The following GBE1 variants were observed in gnomAD, a reference collection of about 807,000 sequenced individuals.
GBE1 encodes the protein 1,4-alpha-glucan branching enzyme 1, also known as 1,4-alpha-glucan-branching enzyme.
Under a neutral mutation model 88.8 loss-of-function variants are expected in GBE1, and 70 were observed. The ratio of observed to expected loss-of-function variants is 0.79; its 90% CI spans 0.65 to 0.96. The LOEUF (loss-of-function observed/expected upper bound fraction) is 0.96, where lower values mean the gene tolerates loss of function less well. GBE1 is among the 40% of genes least tolerant of loss of function. GBE1 has a pLI of 0.00. For synonymous variants in GBE1, 284 were observed against 300.1 expected, an observed-to-expected ratio of 0.95 and a Z score of 0.56; for missense variants, 872 against 871.0, an observed-to-expected ratio of 1.00 and a Z score of -0.01.
chr3:81,549,695 C>A (rs1222678581), intron 12 of GBE1, among the ~76,000 whole-genome samples: 1 of 151,510 alleles, frequency 6.6e-6, no homozygotes, highest in Non-Finnish European at 1.5e-5. Flanking sequence ...AAATAAAAGT[C>A]TTATCTGAGA....
intron 3 of GBE1, among the ~76,000 whole-genome samples, chr3:81,657,530 C>T (rs1263996555): frequency 6.6e-6 from 1 of 152,014 alleles, no homozygotes; most frequent in East Asian, 1.9e-4. Context: ...AAAGAGATCA[C>T]TAAAATTAAA....
intron 2 of GBE1, among the ~76,000 whole-genome samples, chr3:81,693,812 A>G (rs1186913196): frequency 6.6e-6 from 1 of 152,160 alleles, no homozygotes; most frequent in African/African-American, 2.4e-5. Flanking sequence ...TTACATGTGA[A>G]TATCAACACT....
At chr3:81,625,763 G>T (rs572789258) in intron 7 of GBE1, among the ~76,000 whole-genome samples, 1 of 152,132 alleles carries the variant, frequency 6.6e-6, no homozygotes, top group East Asian at 1.9e-4. Flanking sequence ...TCTGGTTTTT[G>T]GCTATCTTCT....
rs1194774311 is a variant in GBE1, at chr3:81,710,489, CTGA to C, written c.144-4879_144-4877del. Among the ~76,000 whole-genome samples, 18 of 151,866 alleles carry C rather than the reference CTGA, an allele frequency of 1.2e-4. No homozygotes were observed. In the East Asian group the frequency reaches 2.5e-3, roughly 21 times the overall value. ...TTATATTTAAGAGAATCAGGGGTAG[CTGA>C]TATTAGCTTTATTTCTAGAAATAGT... On this transcript the variant is annotated intron_variant, in intron 1 of 15. Coordinates refer to ENST00000429644, the MANE Select transcript of GBE1 (RefSeq NM_000158.4).
chr3:81,696,916 C>T (rs760134601), intron 2 of GBE1, among the ~76,000 whole-genome samples: 1 of 152,130 alleles, frequency 6.6e-6, no homozygotes, highest in Admixed American at 6.5e-5. Flanking sequence ...TCTGACACCA[C>T]AACAATCATC....
Position 81,646,488 on chromosome 3 carries a change from TA to T in GBE1, c.692-7del. 3 of 1,500,214 alleles carry T rather than the reference TA, an allele frequency of 2.0e-6. No homozygotes were observed. Among genetic ancestry groups the T allele is most frequent in the Non-Finnish European group, 2.7e-6 (3 of 1,096,558 alleles). The allele number at this position is 1,500,214 out of a possible 1,614,324, so 92.9% of individuals were successfully genotyped here. A position where few individuals can be genotyped will look rare whatever the true frequency, so the allele number is the denominator to read the frequency against. ...CAACTGAATGCAGTTGTATCCTATA[TA>T]AGGCAATGGTCAAATCTAAATTAAA... On this transcript the variant is annotated splice_region_variant and splice_polypyrimidine_tract_variant and intron_variant, in intron 5 of 15. Coordinates refer to ENST00000429644, the MANE Select transcript of GBE1 (RefSeq NM_000158.4).
intron 12 of GBE1, among the ~76,000 whole-genome samples, chr3:81,548,466 G>A (rs1703235736): frequency 6.6e-6 from 1 of 151,204 alleles, no homozygotes; most frequent in Non-Finnish European, 1.5e-5. Flanking sequence ...ATATGTTGTT[G>A]GTATGTGTTC....
At chr3:81,635,484 A>G (rs1704579670) in intron 7 of GBE1, among the ~76,000 whole-genome samples, 1 of 152,212 alleles carries the variant, frequency 6.6e-6, no homozygotes, top group Non-Finnish European at 1.5e-5. Flanking sequence ...TCAATGTAAC[A>G]TGAGTTATTT....
chr3:81,684,454 C>T (rs1221358401), intron 2 of GBE1, among the ~76,000 whole-genome samples: 1 of 152,158 alleles, frequency 6.6e-6, no homozygotes, highest in African/African-American at 2.4e-5. Flanking sequence ...GCTCTCTTCC[C>T]AACTTGCAGA....
At chr3:81,498,902 C>T (rs1702549186) in intron 15 of GBE1, among the ~76,000 whole-genome samples, 1 of 151,980 alleles carries the variant, frequency 6.6e-6, no homozygotes, top group African/African-American at 2.4e-5. Flanking sequence ...GCCAATTGTC[C>T]CCTAAATATC....
chr3:81,538,797 A>G (rs1032598151), intron 12 of GBE1, among the ~76,000 whole-genome samples: 2 of 152,052 alleles, frequency 1.3e-5, no homozygotes, highest in Non-Finnish European at 2.9e-5. Context: ...GATTTACAAG[A>G]GACTAGAAAT....
chr3:81,537,037 A>G lies in GBE1; in HGVS notation c.1677T>C (p.Ser559=). The G allele has an allele frequency of 6.3e-7, 1 of 1,578,894 alleles. No individual in the cohort carries two copies. Among genetic ancestry groups the G allele is most frequent in the Non-Finnish European group, 8.6e-7 (1 of 1,165,510 alleles). ...GAAACTGCCGCCTGGCATAATGGTA[A>G]CTCTCATTATTTCCTTTTCTTGGGA... The part of the protein sequence containing the change: ...LDFPRKGNNE[S]YHYARRQFHL... The change falls in exon 13 of 16, where the codon AGT becomes AGC. Residue 559 remains serine (S), a synonymous_variant. Coordinates refer to ENST00000429644, the MANE Select transcript of GBE1 (RefSeq NM_000158.4).
At position 81,750,659 on chromosome 3, in the gene GBE1, GTATA is replaced by G. The variant is rs1553696645; in HGVS notation, c.143+10712_143+10715del. ...TATATATATATGTATATATATATAT[GTATA>G]TATATATATACGTATATATATATAT... On this transcript the variant is annotated intron_variant, in intron 1 of 15. Coordinates refer to ENST00000429644, the MANE Select transcript of GBE1 (RefSeq NM_000158.4). Among the ~76,000 whole-genome samples the G allele has an allele frequency of 1.1e-4, 4 of 35,294 alleles. 1 individual carries two copies. The highest frequency in any genetic ancestry group is 2.1e-4 in the African/African-American group (1 of 4,662). 23.2% of individuals were successfully genotyped at this position (35,294 alleles called of 152,430 possible). A position where few individuals can be genotyped will look rare whatever the true frequency, so the allele number is the denominator to read the frequency against.
intron 12 of GBE1, among the ~76,000 whole-genome samples, chr3:81,545,226 T>A (rs1462702018): frequency 6.7e-6 from 1 of 149,984 alleles, no homozygotes; most frequent in African/African-American, 2.5e-5. Context: ...GATTTTTCTT[T>A]AAAAAAAAAA....
chr3:81,640,921 A>G (rs2107055709), intron 7 of GBE1, among the ~76,000 whole-genome samples: 1 of 152,212 alleles, frequency 6.6e-6, no homozygotes, highest in South Asian at 2.1e-4. Flanking sequence ...TTAATAGTTA[A>G]TTCAATAAAA....
intron 7 of GBE1, among the ~76,000 whole-genome samples, chr3:81,628,380 T>C (rs1460134280): frequency 1.3e-5 from 2 of 151,962 alleles, no homozygotes; most frequent in Non-Finnish European, 2.9e-5. Flanking sequence ...GATAAGAACA[T>C]GAAGAAGACC....
chr3:81,665,629 GTCT>G (rs1705104608), intron 3 of GBE1, among the ~76,000 whole-genome samples: 1 of 151,906 alleles, frequency 6.6e-6, no homozygotes, highest in Non-Finnish European at 1.5e-5. Context: ...CATATAAGTG[GTCT>G]TCTTGGGATA....
At chr3:81,597,330 T>G (rs1703969156) in intron 7 of GBE1, among the ~76,000 whole-genome samples, 1 of 151,486 alleles carries the variant, frequency 6.6e-6, no homozygotes, top group Non-Finnish European at 1.5e-5. Flanking sequence ...GCTTACAGCT[T>G]TTATAGCCTG....
At chr3:81,673,244 G>T (rs146412903) in intron 2 of GBE1, among the ~76,000 whole-genome samples, 22 of 151,902 alleles carry the variant, frequency 1.4e-4, no homozygotes, top group African/African-American at 3.4e-4. Context: ...AATCACTTAA[G>T]ACAAGCAGCA....
Sources: allele counts gnomAD v4.1 joint callset (sites outside exome capture counted in the v4.1 genomes callset), GRCh38; gene constraint gnomAD v4.1.1; transcripts MANE v1.5; gene names NCBI Gene and HGNC (gene_info 2026-07-23, HGNC 2026-07-21).